Variants in UGT2B4 observed in about 807,000 individuals in gnomAD.
UGT2B4 encodes the protein UDP glucuronosyltransferase family 2 member B4.
Under a neutral mutation model 49.8 loss-of-function variants are expected in UGT2B4, and 49 were observed. That is an observed-to-expected ratio of 0.98 (90% CI 0.78 to 1.25). The LOEUF (loss-of-function observed/expected upper bound fraction) is 1.25. Ranked by LOEUF, UGT2B4 falls within the 50% of genes most tolerant of loss-of-function variation. The probability of loss-of-function intolerance (pLI) is 0.00; values close to 1 mark genes in which losing one functional copy is unlikely to be tolerated. For missense variants in UGT2B4, 729 were observed against 627.7 expected (o/e 1.16, Z -1.73); for synonymous variants, 246 against 217.7 (o/e 1.13, Z -1.14).
At chr4:69,516,800 A>T (rs1175521962) in intron 1 of UGT2B4, among the ~76,000 whole-genome samples, 1 of 149,988 alleles carries the variant, frequency 6.7e-6, no homozygotes, top group East Asian at 2.0e-4. Flanking sequence ...TAGAGATGGG[A>T]TTTTGCCATG....
chr4:69,486,829 T>G, intron 3 of UGT2B4, 133 bp from the exon 4 acceptor site: 2 of 537,988 alleles, frequency 3.7e-6, no homozygotes, highest in Non-Finnish European at 6.4e-6. Flanking sequence ...CTGATGTAAA[T>G]AGAATACTCA....
At chr4:69,504,873 A>C (rs1728430703) in intron 1 of UGT2B4, among the ~76,000 whole-genome samples, 1 of 152,176 alleles carries the variant, frequency 6.6e-6, no homozygotes, top group African/African-American at 2.4e-5. Context: ...GGTCACCTAC[A>C]AAGGGAAGCC....
At chr4:69,487,666 G>A (rs1727834546) in intron 3 of UGT2B4, among the ~76,000 whole-genome samples, 1 of 151,990 alleles carries the variant, frequency 6.6e-6, no homozygotes, top group South Asian at 2.1e-4. Context: ...CCTGTAAGAT[G>A]AAACAGTCCA....
chr4:69,520,995 A>C (rs910616816), intron 1 of UGT2B4, among the ~76,000 whole-genome samples: 1 of 152,152 alleles, frequency 6.6e-6, no homozygotes, highest in Admixed American at 6.5e-5. Context: ...CCATGGACCA[A>C]TCGGCAAGCA....
chr4:69,521,532 A>T (rs955150237), intron 1 of UGT2B4, among the ~76,000 whole-genome samples: 2 of 152,198 alleles, frequency 1.3e-5, no homozygotes, highest in African/African-American at 2.4e-5. Context: ...TCTCTGCAAC[A>T]GCCAACATGC....
chr4:69,483,084 G>C (rs1346528335), intron 5 of UGT2B4, among the ~76,000 whole-genome samples: 2 of 152,050 alleles, frequency 1.3e-5, no homozygotes, highest in Non-Finnish European at 1.5e-5. Flanking sequence ...ATATAATTGA[G>C]AGTGGAATTG....
Position 69,485,461 on chromosome 4 carries a change from T to G in UGT2B4, c.1091-34A>C, listed in dbSNP as rs776194931. ...GGATGAATTTTAGCAAAATTATTCA[T>G]AGGAATAAAATGAGAAATGCACAAT... On this transcript the variant is annotated intron_variant, in intron 4 of 5. Coordinates refer to ENST00000305107, the MANE Select transcript of UGT2B4 (RefSeq NM_021139.3). 2.5e-6 allele frequency: 4 copies of G among 1,610,906 alleles called. No individual in the cohort carries two copies. The South Asian group carries it at 4.4e-5, about 18-fold the overall frequency.
At chr4:69,512,315 A>G (rs1424986269) in intron 1 of UGT2B4, among the ~76,000 whole-genome samples, 1 of 151,688 alleles carries the variant, frequency 6.6e-6, no homozygotes, top group Non-Finnish European at 1.5e-5. Context: ...TTTTTGCTGC[A>G]TCCTGTAAAT....
At chr4:69,506,405 A>G (rs1445639123) in intron 1 of UGT2B4, among the ~76,000 whole-genome samples, 1 of 152,180 alleles carries the variant, frequency 6.6e-6, no homozygotes, top group Non-Finnish European at 1.5e-5. Flanking sequence ...ATTAGCACAG[A>G]CTTGACAGAA....
chr4:69,502,168 TTCTTTTC>T (rs1186053317), intron 1 of UGT2B4, among the ~76,000 whole-genome samples: 1 of 132,308 alleles, frequency 7.6e-6, no homozygotes, highest in East Asian at 2.2e-4. Context: ...TCTTTCTTCT[TTCTTTTC>T]TTCATTCAGT....
chr4:69,488,256 T>C (rs1227830872), intron 3 of UGT2B4, among the ~76,000 whole-genome samples: 19 of 152,190 alleles, frequency 1.2e-4, no homozygotes, highest in Admixed American at 1.2e-3. Flanking sequence ...CAAAATTGCA[T>C]TTTGCTGAAT....
rs112177368 is a variant in UGT2B4, at chr4:69,514,132, C to T, written c.-106+11555G>A. ...TACTTTAAGTTCTAGGGTACATGTG[C>T]ACAATGTGCAGGTTTGTTACATATG... On this transcript the variant is annotated intron_variant, in intron 1 of 1. Transcript: ENST00000510114. 1.6e-4 allele frequency among the ~76,000 whole-genome samples: 24 copies of T among 151,906 alleles called. 1 individual carries two copies. The highest frequency in any genetic ancestry group is 5.8e-4 in the African/African-American group (24 of 41,380).
At chr4:69,506,473 G>A (rs974535082) in intron 1 of UGT2B4, among the ~76,000 whole-genome samples, 3 of 151,908 alleles carry the variant, frequency 2.0e-5, no homozygotes, top group Non-Finnish European at 4.4e-5. Context: ...ACTACAAAAT[G>A]TAGAATAAAT....
chr4:69,480,972 C>T (rs1041104436), intron 5 of UGT2B4, 62 bp from the exon 6 acceptor site: 13 of 1,568,200 alleles, frequency 8.3e-6, no homozygotes, highest in Non-Finnish European at 6.1e-6. Flanking sequence ...GGCACGGAGG[C>T]TCACACCTGC....
At chr4:69,519,118 T>C (rs1577905383) in intron 1 of UGT2B4, among the ~76,000 whole-genome samples, 1 of 152,192 alleles carries the variant, frequency 6.6e-6, no homozygotes, top group East Asian at 1.9e-4. Flanking sequence ...TAACTTGAAG[T>C]AGGAGAACGT....
chr4:69,499,783 A>ACAG (rs1728254438), upstream of UGT2B4, among the ~76,000 whole-genome samples: 1 of 152,262 alleles, frequency 6.6e-6, no homozygotes. Flanking sequence ...TCTGTTGCAT[A>ACAG]CAGCATGCTG....
chr4:69,515,182 T>G (rs1006322507), intron 1 of UGT2B4, among the ~76,000 whole-genome samples: 3 of 152,214 alleles, frequency 2.0e-5, no homozygotes, highest in Non-Finnish European at 4.4e-5. Flanking sequence ...CTGATAGATA[T>G]CTGCAGAACT....
intron 1 of UGT2B4, among the ~76,000 whole-genome samples, chr4:69,520,721 A>C (rs1285311558): frequency 2.0e-5 from 3 of 151,310 alleles, no homozygotes; most frequent in Non-Finnish European, 3.0e-5. Context: ...CGAACACAGG[A>C]AGGCAGCTAA....
intron 1 of UGT2B4, among the ~76,000 whole-genome samples, chr4:69,501,529 G>A (rs1728318792): frequency 6.6e-6 from 1 of 152,136 alleles, no homozygotes. Flanking sequence ...TGGGGTGAAA[G>A]TGATAGCCCA....
Sources: gnomAD v4.1 joint callset for allele counts (sites outside exome capture counted in the v4.1 genomes callset) on GRCh38, gnomAD v4.1.1 for gene constraint, MANE v1.5 for transcripts, NCBI Gene and HGNC (gene_info 2026-07-23, HGNC 2026-07-21) for gene names.